Variants in PARVB observed in about 807,000 individuals in gnomAD.
PARVB encodes the protein beta-parvin.
PARVB carries 46 observed loss-of-function variants against 47.0 expected under a neutral mutation model. The ratio of observed to expected loss-of-function variants is 0.98; its 90% confidence interval spans 0.77 to 1.25. The LOEUF is 1.25. Ranked by LOEUF, PARVB falls within the 50% of genes most tolerant of loss-of-function variation. The pLI is 0.00. For synonymous variants in PARVB, 196 were observed against 196.3 expected (o/e 1.00, Z 0.01); for missense variants, 473 against 471.6 (o/e 1.00, Z -0.03).
rs182917902 is a variant in PARVB at position 44,032,684 on chromosome 22, A to G, written c.112+8233A>G. 2.2e-4 allele frequency among the ~76,000 whole-genome samples: 34 copies of G among 152,264 alleles called. No homozygotes were observed. The East Asian group carries it at 6.4e-3, about 29-fold the overall frequency. On this transcript the variant is annotated intron_variant, in intron 1 of 12. Transcript: ENST00000338758. ...CAGAATTCGTTATGGATGAATGTGG[A>G]TGACTGGAGGCATTGACGCAGACAC...
At chr22:44,095,155 T>C (rs62226432) in intron 2 of PARVB, among the ~76,000 whole-genome samples, 17,029 of 150,698 alleles carry the variant, frequency 0.11, 1,122 homozygotes, top group Admixed American at 0.19. Context: ...GGAATTAGCT[T>C]GCCCTGGAGG....
At chr22:44,105,698 T>TAG (rs1163662279) in intron 3 of PARVB, 1 of 152,236 alleles carries the variant, frequency 6.6e-6, no homozygotes, top group Non-Finnish European at 1.5e-5. Flanking sequence ...TCATCCTTGA[T>TAG]AGATAGTAAG....
In PARVB at chr22:44,169,329, A is replaced by C. The variant is rs2235575; in HGVS notation, c.*651A>C. The C allele has an allele frequency of 0.062, 9,318 of 150,310 alleles. 944 individuals carry two copies. Among genetic ancestry groups the C allele is most frequent in the East Asian group, 0.17 (877 of 5,172 alleles). The allele number at this position is 150,310 out of a possible 1,614,324, so 9.3% of individuals were successfully genotyped here. On this transcript the variant is annotated 3_prime_UTR_variant, in exon 13 of 13. Transcript: ENST00000338758. The stretch of plus-strand genomic sequence containing the variant: ...AATGTAGGTTTTGCACAAACATCCA[A>C]GACTCAGGATGGCCCAGCTCCCACA...
rs937549730 is a variant in PARVB, at chr22:44,105,582, T to C, written c.273+5459T>C. On this transcript the variant is annotated intron_variant, in intron 3 of 12. Coordinates refer to ENST00000338758, the MANE Select transcript of PARVB (RefSeq NM_013327.5). ...TTCCTATTTACTAGTTTGTTTTTGG[T>C]CTTTCTCCTCCCCTAGAATGTAATC... 6 of 152,278 alleles carry C rather than the reference T, an allele frequency of 3.9e-5. 1 individual carries two copies. The highest frequency in any genetic ancestry group is 3.3e-4 in the Admixed American group (5 of 15,280). The allele number at this position is 152,278 out of a possible 1,614,324, so 9.4% of individuals were successfully genotyped here. A position where few individuals can be genotyped will look rare whatever the true frequency, so the allele number is the denominator to read the frequency against.
At chr22:44,004,418 T>C (rs910247077) in intron 2 of PARVB, among the ~76,000 whole-genome samples, 2 of 152,152 alleles carry the variant, frequency 1.3e-5, no homozygotes, top group East Asian at 1.9e-4. Flanking sequence ...ACTCTCAAGT[T>C]AAAAGAGAAT....
chr22:44,110,568 T>TAAAA (rs1317218675), intron 3 of PARVB: 3 of 152,144 alleles, frequency 2.0e-5, no homozygotes, highest in Non-Finnish European at 2.9e-5. Context: ...CAGGAGTCCT[T>TAAAA]TGAATTTACA....
At chr22:44,048,334 A>G (rs996540858) in intron 1 of PARVB, among the ~76,000 whole-genome samples, 3 of 152,138 alleles carry the variant, frequency 2.0e-5, no homozygotes, top group African/African-American at 7.2e-5. Flanking sequence ...CCATGTGGAC[A>G]TATCTTTTGG....
At chr22:44,074,940 G>A (rs768699913) in intron 1 of PARVB, among the ~76,000 whole-genome samples, 4 of 152,228 alleles carry the variant, frequency 2.6e-5, no homozygotes, top group Non-Finnish European at 5.9e-5. Flanking sequence ...CTCCTGAGTC[G>A]GTGGGGACGG....
intron 1 of PARVB, among the ~76,000 whole-genome samples, chr22:44,025,874 G>A (rs1569058649): frequency 6.6e-6 from 1 of 152,218 alleles, no homozygotes; most frequent in Non-Finnish European, 1.5e-5. Flanking sequence ...CCATGGGCCA[G>A]GTGCTGCTTA....
chr22:44,065,858 C>CGTGT (rs2051510921), intron 1 of PARVB, among the ~76,000 whole-genome samples: 1 of 109,726 alleles, frequency 9.1e-6, no homozygotes, highest in African/African-American at 4.0e-5. Context: ...TGTGTGTGTG[C>CGTGT]ATGTGTGTGT....
chr22:44,163,295 C>G (rs944474124), intron 11 of PARVB, among the ~76,000 whole-genome samples: 5 of 152,070 alleles, frequency 3.3e-5, no homozygotes, highest in African/African-American at 1.2e-4. Flanking sequence ...CATGGCAAAA[C>G]CCGTCTCTAA....
intron 11 of PARVB, among the ~76,000 whole-genome samples, chr22:44,161,582 G>C (rs1320556573): frequency 6.6e-6 from 1 of 152,152 alleles, no homozygotes; most frequent in African/African-American, 2.4e-5. Context: ...AAAGTGCTGG[G>C]ATTACAGGCG....
In PARVB at chr22:44,080,268, G is replaced by A. The variant is rs528323106; in HGVS notation, c.113-13660G>A. ...GCTGTGACAAAATACCACAAACCCA[G>A]TGGTTTAAACCAACACAAATCTATT... On this transcript the variant is annotated intron_variant, in intron 1 of 12. Transcript: ENST00000338758. Among the ~76,000 whole-genome samples the A allele has an allele frequency of 8.5e-5, 13 of 152,328 alleles. No homozygotes were observed. The East Asian group carries it at 2.5e-3, about 29-fold the overall frequency.
intron 6 of PARVB, among the ~76,000 whole-genome samples, chr22:44,136,168 G>A (rs2053435997): frequency 6.6e-6 from 1 of 152,082 alleles, no homozygotes; most frequent in Non-Finnish European, 1.5e-5. Flanking sequence ...GGGGAATCCT[G>A]ACCTGGGGTG....
intron 1 of PARVB, among the ~76,000 whole-genome samples, chr22:44,051,165 C>T (rs980793251): frequency 3.3e-5 from 5 of 152,168 alleles, no homozygotes; most frequent in South Asian, 2.1e-4. Context: ...AAAATCCTAC[C>T]ACCAGCTCGT....
At chr22:44,026,162 A>G (rs1040513466) in intron 1 of PARVB, 4 of 212,644 alleles carry the variant, frequency 1.9e-5, no homozygotes, top group African/African-American at 9.4e-5. Context: ...CACACACCCA[A>G]AGTAATGGAC....
At position 44,103,597 on chromosome 22, in the gene PARVB, G is replaced by A. The variant is rs1428528045; in HGVS notation, c.273+3474G>A. On this transcript the variant is annotated intron_variant, in intron 3 of 12. Transcript: ENST00000338758. This position sits in a 1 kb window ranked among gnomAD's most constrained non-coding sequence, Gnocchi z 4.6. ...GAGCCATTGACTATCATCTTACATGGCAAAGGGACATGGTGGGTGTAGTTA... is the reference window on the plus strand; with the variant it reads ...GAGCCATTGACTATCATCTTACATGACAAAGGGACATGGTGGGTGTAGTTA... The A allele has an allele frequency of 6.6e-6, 1 of 152,214 alleles. No individual in the cohort carries two copies. Among genetic ancestry groups the A allele is most frequent in the Non-Finnish European group, 1.5e-5 (1 of 68,048 alleles). The allele number at this position is 152,214 out of a possible 1,614,324, so 9.4% of individuals were successfully genotyped here. A position where few individuals can be genotyped will look rare whatever the true frequency, so the allele number is the denominator to read the frequency against.
chr22:44,071,343 A>G (rs1263606954), intron 1 of PARVB, among the ~76,000 whole-genome samples: 2 of 152,094 alleles, frequency 1.3e-5, no homozygotes, highest in East Asian at 3.9e-4. Flanking sequence ...CTGCTCATAT[A>G]TCCTCCACTT....
chr22:44,033,882 C>T (rs1018795), intron 1 of PARVB, among the ~76,000 whole-genome samples: 109,182 of 151,878 alleles, frequency 0.72, 39,585 homozygotes, highest in African/African-American at 0.82. Flanking sequence ...TCAGCGGAGC[C>T]CTGTCTGCCC....
Sources: gnomAD v4.1 joint callset for allele counts (sites outside exome capture counted in the v4.1 genomes callset) on GRCh38, gnomAD v4.1.1 for gene constraint, Gnocchi (gnomAD v3.1) non-coding constraint, MANE v1.5 for transcripts, NCBI Gene and HGNC (gene_info 2026-07-23, HGNC 2026-07-21) for gene names.